CACNA2D3: variants seen among roughly 807,000 people sequenced by gnomAD.
CACNA2D3 encodes calcium voltage-gated channel auxiliary subunit alpha2delta 3, also known as voltage-dependent calcium channel subunit alpha-2/delta-3.
CACNA2D3 carries 60 observed loss-of-function variants against 160.6 expected under a neutral mutation model. That is an observed-to-expected ratio of 0.37 (90% confidence interval 0.30 to 0.46). The LOEUF is 0.46. CACNA2D3 is among the 20% of genes least tolerant of loss of function. The pLI, the probability that CACNA2D3 is intolerant of heterozygous loss-of-function variation, is 1.00. For missense variants in CACNA2D3, 1,205 were observed against 1,365.0 expected (o/e 0.88, Z 1.85); for synonymous variants, 558 against 492.9 (o/e 1.13, Z -1.75).
At chr3:54,486,688 T>C (rs1413992246) in intron 4 of CACNA2D3, among the ~76,000 whole-genome samples, 1 of 152,112 alleles carries the variant, frequency 6.6e-6, no homozygotes, top group Non-Finnish European at 1.5e-5. Context: ...GCACCACATC[T>C]TGTGACCCTT....
chr3:54,421,585 C>T (rs1479967335), intron 4 of CACNA2D3, among the ~76,000 whole-genome samples: 1 of 152,030 alleles, frequency 6.6e-6, no homozygotes, highest in East Asian at 1.9e-4. Context: ...GCAACCAGCT[C>T]TGGATTTGAA....
rs1030096880 is a variant in CACNA2D3 at position 54,766,578 on chromosome 3, A to G, written c.1380+2227A>G. Among the ~76,000 whole-genome samples, 15 of 152,314 alleles carry G rather than the reference A, an allele frequency of 9.8e-5. No individual in the cohort carries two copies. In the East Asian group the frequency reaches 2.7e-3, roughly 27 times the overall value. ...TTTGCATTTACCCTTTGATCCAGCAATCTTACTTCTAAGAATTCAACCCTG... is the reference window on the plus strand; with the variant it reads ...TTTGCATTTACCCTTTGATCCAGCAGTCTTACTTCTAAGAATTCAACCCTG... On this transcript the variant is annotated intron_variant, in intron 13 of 37. Coordinates refer to ENST00000474759, the MANE Select transcript of CACNA2D3 (RefSeq NM_018398.3).
At chr3:54,648,581 T>A (rs1443593338) in intron 11 of CACNA2D3, among the ~76,000 whole-genome samples, 1 of 152,250 alleles carries the variant, frequency 6.6e-6, no homozygotes, top group Non-Finnish European at 1.5e-5. Context: ...TTTTTCCCTA[T>A]TTTTCCACTG....
chr3:54,730,703 G>T (rs1452928098), intron 11 of CACNA2D3, among the ~76,000 whole-genome samples: 1 of 151,928 alleles, frequency 6.6e-6, no homozygotes, highest in Admixed American at 6.6e-5. Context: ...GGGTTTCACG[G>T]TGTTGGTCAG....
chr3:54,140,691 C>A (rs968288472), intron 2 of CACNA2D3, among the ~76,000 whole-genome samples: 3 of 152,078 alleles, frequency 2.0e-5, no homozygotes, highest in African/African-American at 4.8e-5. Flanking sequence ...CGTCACCTCT[C>A]TGGGTTGCAC....
chr3:54,946,874 A>C (rs968671518), intron 27 of CACNA2D3, among the ~76,000 whole-genome samples: 2 of 152,126 alleles, frequency 1.3e-5, no homozygotes, highest in African/African-American at 4.8e-5. Context: ...CTCTTAAGGC[A>C]TGGAGCTGTA....
intron 2 of CACNA2D3, among the ~76,000 whole-genome samples, chr3:54,291,187 G>T (rs2107477280): frequency 6.6e-6 from 1 of 152,120 alleles, no homozygotes; most frequent in East Asian, 1.9e-4. Context: ...TTTATATTTT[G>T]CTTATGTCAG....
At chr3:54,851,562 G>C (rs902379251) in intron 17 of CACNA2D3, among the ~76,000 whole-genome samples, 4 of 152,198 alleles carry the variant, frequency 2.6e-5, no homozygotes, top group Non-Finnish European at 5.9e-5. Flanking sequence ...GAGGGTGGGA[G>C]TGACTGGGAT....
At chr3:54,789,735 T>G in intron 13 of CACNA2D3, 2 of 454,534 alleles carry the variant, frequency 4.4e-6, no homozygotes, top group Middle Eastern at 4.0e-4. Context: ...TGTCAGAGCT[T>G]TCTCTAAAGC....
chr3:54,945,571 C>G (rs759185613), intron 27 of CACNA2D3, among the ~76,000 whole-genome samples: 12 of 152,140 alleles, frequency 7.9e-5, no homozygotes, highest in Non-Finnish European at 1.5e-4. Context: ...CTTATTAGCA[C>G]CATAACCTGG....
At chr3:54,999,047 G>A (rs1323105192) in intron 31 of CACNA2D3, among the ~76,000 whole-genome samples, 1 of 152,148 alleles carries the variant, frequency 6.6e-6, no homozygotes, top group Non-Finnish European at 1.5e-5. Flanking sequence ...CGCCCGGCCA[G>A]CTAAAGTTGT....
At chr3:54,262,023 TA>T (rs1702409893) in intron 2 of CACNA2D3, among the ~76,000 whole-genome samples, 1 of 152,036 alleles carries the variant, frequency 6.6e-6, no homozygotes, top group Admixed American at 6.6e-5. Flanking sequence ...CAGTTGGGGA[TA>T]GGGGTTTTGG....
At chr3:54,822,708 T>G (rs1703633847) in intron 14 of CACNA2D3, among the ~76,000 whole-genome samples, 1 of 152,174 alleles carries the variant, frequency 6.6e-6, no homozygotes, top group African/African-American at 2.4e-5. Flanking sequence ...GGAAGCAAGA[T>G]GCTATTTGCA....
At chr3:54,849,852 C>T (rs1464953804) in intron 17 of CACNA2D3, among the ~76,000 whole-genome samples, 1 of 152,176 alleles carries the variant, frequency 6.6e-6, no homozygotes, top group Non-Finnish European at 1.5e-5. Flanking sequence ...CCCCTACAGC[C>T]AGAGGAAAGA....
At chr3:54,427,396 T>G (rs1245722200) in intron 4 of CACNA2D3, among the ~76,000 whole-genome samples, 1 of 152,130 alleles carries the variant, frequency 6.6e-6, no homozygotes, top group Non-Finnish European at 1.5e-5. Flanking sequence ...CTCAGCATCA[T>G]GCTTGGTGTG....
intron 4 of CACNA2D3, among the ~76,000 whole-genome samples, chr3:54,497,585 A>G (rs562321302): frequency 1.3e-5 from 2 of 152,074 alleles, no homozygotes; most frequent in African/African-American, 4.8e-5. Flanking sequence ...TTCAATACCT[A>G]TGGCTTTTGT....
At chr3:54,325,513 C>T (rs1190386330) in intron 3 of CACNA2D3, among the ~76,000 whole-genome samples, 1 of 152,158 alleles carries the variant, frequency 6.6e-6, no homozygotes, top group Non-Finnish European at 1.5e-5. Context: ...CTTAGAACCT[C>T]CTCTGGTCTT....
At chr3:54,633,117 C>A (rs1162402879) in intron 10 of CACNA2D3, among the ~76,000 whole-genome samples, 1 of 152,172 alleles carries the variant, frequency 6.6e-6, no homozygotes, top group East Asian at 1.9e-4. Context: ...GCCCTGGTGA[C>A]TGCCCTGTGA....
At chr3:54,264,504 A>G (rs555539249) in intron 2 of CACNA2D3, among the ~76,000 whole-genome samples, 2 of 152,314 alleles carry the variant, frequency 1.3e-5, no homozygotes, top group South Asian at 4.1e-4. Context: ...TGGACCTAGA[A>G]TAATCTTCCA....
Sources: gnomAD v4.1 joint callset for allele counts (sites outside exome capture counted in the v4.1 genomes callset) on GRCh38, gnomAD v4.1.1 for gene constraint, MANE v1.5 for transcripts, NCBI Gene and HGNC (gene_info 2026-07-23, HGNC 2026-07-21) for gene names.